The following ATXN1L variants were observed in gnomAD, a reference collection of about 807,000 sequenced individuals.
ATXN1L encodes ataxin-1-like.
Under a neutral mutation model 43.4 loss-of-function variants are expected in ATXN1L, and 8 were observed. The observed-to-expected ratio is 0.18, with a 90% CI of 0.11 to 0.33. The LOEUF (loss-of-function observed/expected upper bound fraction) is 0.33, where lower values mean the gene tolerates loss of function less well. ATXN1L is among the 10% of genes least tolerant of loss of function. The pLI, the probability that ATXN1L is intolerant of heterozygous loss-of-function variation, is 1.00. For synonymous variants in ATXN1L, 379 were observed against 360.6 expected (o/e 1.05, Z -0.58); for missense variants, 856 against 885.4 (o/e 0.97, Z 0.42).
At position 71,851,331 on chromosome 16, in the gene ATXN1L, C is replaced by T; in HGVS notation, c.1591C>T (p.Gln531Ter). 6.4e-7 allele frequency: 1 copy of T among 1,551,678 alleles called. No homozygotes were observed. Among genetic ancestry groups the T allele is most frequent in the Non-Finnish European group, 8.7e-7 (1 of 1,147,000 alleles). ...CATGCTGCATTTTGTGGTTGGTGAGCAGCAGAGCAAAGTGAGCATCGAAGT... is the reference window on the plus strand; with the variant it reads ...CATGCTGCATTTTGTGGTTGGTGAGTAGCAGAGCAAAGTGAGCATCGAAGT... Reference protein sequence around the residue: ...FVMLHFVVGEQQSKVSIEVPP... With the variant: ...FVMLHFVVGE Residue 531 changes from glutamine (Q) to a stop codon, truncating the protein, a stop_gained, in exon 3 of 3, where the codon CAG (glutamine) becomes TAG (stop). Coordinates refer to ENST00000427980, the MANE Select transcript of ATXN1L (RefSeq NM_001137675.4). LOFTEE classifies it high-confidence loss of function. This position sits in a 1 kb window ranked among gnomAD's most constrained non-coding sequence, Gnocchi z 4.9.
At position 71,852,922 on chromosome 16, in the gene ATXN1L, A is replaced by T. The variant is rs943505175; in HGVS notation, c.*1112A>T. ...CTCTCTGGTTTCCCCTTCAGCTATA[A>T]TCTCTATTTTTAAAATCTCAAAATC... On this transcript the variant is annotated 3_prime_UTR_variant, in exon 3 of 3. Transcript: ENST00000427980. The T allele has an allele frequency of 1.8e-5, 3 of 167,010 alleles. No homozygotes were observed. Among genetic ancestry groups the T allele is most frequent in the Non-Finnish European group, 2.9e-5 (2 of 68,138 alleles). The allele number at this position is 167,010 out of a possible 1,614,324, so 10.3% of individuals were successfully genotyped here.
chr16:71,850,568 G>A lies in ATXN1L; in HGVS notation c.828G>A (p.Glu276=). The part of the protein sequence containing the change: ...AAANGGQRPR[E]RNLVRRESEA... The stretch of plus-strand genomic sequence containing the variant: ...CAAATGGAGGACAGAGACCACGAGA[G>A]CGAAATTTAGTAAGACGGGAAAGTG... The change falls in exon 3 of 3, where the codon GAG becomes GAA. Residue 276 remains glutamate (E), a synonymous_variant. Coordinates refer to ENST00000427980, the MANE Select transcript of ATXN1L (RefSeq NM_001137675.4). 1.3e-6 allele frequency: 2 copies of A among 1,551,758 alleles called. No individual in the cohort carries two copies. The highest frequency in any genetic ancestry group is 1.7e-6 in the Non-Finnish European group (2 of 1,147,010).
At chr16:71,849,559 C>T (rs1360437270) in intron 2 of ATXN1L, 65 bp from the exon 3 acceptor site, 1 of 526,746 alleles carries the variant, frequency 1.9e-6, no homozygotes, top group Non-Finnish European at 3.2e-6. Flanking sequence ...ACAGTTCTTT[C>T]TATTTCCTTT....
chr16:71,853,715 C>T lies in ATXN1L; in HGVS notation c.*1905C>T, dbSNP rs919620245. 2.4e-5 allele frequency: 4 copies of T among 166,918 alleles called. No homozygotes were observed. Among genetic ancestry groups the T allele is most frequent in the South Asian group, 2.1e-4 (1 of 4,818 alleles). The allele number at this position is 166,918 out of a possible 1,614,324, so 10.3% of individuals were successfully genotyped here. A position where few individuals can be genotyped will look rare whatever the true frequency, so the allele number is the denominator to read the frequency against. On this transcript the variant is annotated 3_prime_UTR_variant, in exon 3 of 3. Transcript: ENST00000427980. ...TGTTCAGGTGCTAAAGGTTGTTCTC[C>T]TGGGGGAACAGAGTGACTGAAACTG...
rs1379947398 is a variant in ATXN1L at position 71,851,597 on chromosome 16, T to G, written c.1857T>G (p.Cys619Trp). ...CGGTCTTGGGATCCAGAGAGCTATG[T>G]GACAGTGAGGGGAAGAGCCAGCCGG... is the stretch of plus-strand genomic sequence containing the variant. ...ERTVLGSREL[C>W]DSEGKSQPAG... Residue 619 changes from cysteine (C) to tryptophan (W), a missense_variant, in exon 3 of 3, where the codon TGT (cysteine) becomes TGG (tryptophan). By Grantham distance (215) the Cys-to-Trp change is radical (BLOSUM62 -2). This residue lies in a region of ATXN1L where 185 missense variants were observed against 176.8 expected (regional missense o/e 1.05). Coordinates refer to ENST00000427980, the MANE Select transcript of ATXN1L (RefSeq NM_001137675.4). This position sits in a 1 kb window ranked among gnomAD's most constrained non-coding sequence, Gnocchi z 4.9. 6.5e-7 allele frequency: 1 copy of G among 1,546,082 alleles called. No homozygotes were observed. The highest frequency in any genetic ancestry group is 1.4e-5 in the African/African-American group (1 of 72,258).
In ATXN1L at chr16:71,855,035, C is replaced by G. The variant is rs781562366; in HGVS notation, c.*3225C>G. 1 of 167,376 alleles carries G rather than the reference C, an allele frequency of 6.0e-6. No homozygotes were observed. The highest frequency in any genetic ancestry group is 2.1e-4 in the South Asian group (1 of 4,828). 10.4% of individuals were successfully genotyped at this position (167,376 alleles called of 1,614,324 possible). Reference sequence around the variant, plus strand: ...TGGTCATAACACCAAGGGCTTTGCCCTGCGCTGCTTTGCCACTGCTGCTGT... The same window carrying G: ...TGGTCATAACACCAAGGGCTTTGCCGTGCGCTGCTTTGCCACTGCTGCTGT... On this transcript the variant is annotated 3_prime_UTR_variant, in exon 3 of 3. Transcript: ENST00000427980.
Position 71,850,103 on chromosome 16 carries a change from C to T in ATXN1L, c.363C>T (p.Gly121=). ...NVASSLIQHP[G]IHYPPLHYAQ... ...CGTCTTCACTAATTCAACATCCAGG[C>T]ATCCACTATCCTCCACTCCACTATG... Residue 121 remains glycine, a synonymous_variant, in exon 3 of 3, where the codon GGC becomes GGT. Coordinates refer to ENST00000427980, the MANE Select transcript of ATXN1L (RefSeq NM_001137675.4). 1 of 1,551,730 alleles carries T rather than the reference C, an allele frequency of 6.4e-7. No individual in the cohort carries two copies. The highest frequency in any genetic ancestry group is 8.7e-7 in the Non-Finnish European group (1 of 1,146,998).
chr16:71,849,932 G>A lies in ATXN1L; in HGVS notation c.192G>A (p.Gly64=). The A allele has an allele frequency of 6.4e-7, 1 of 1,551,244 alleles. No homozygotes were observed. Among genetic ancestry groups the A allele is most frequent in the Non-Finnish European group, 8.7e-7 (1 of 1,146,676 alleles). Residue 64 remains glycine, a synonymous_variant, in exon 3 of 3, where the codon GGG becomes GGA. Coordinates refer to ENST00000427980, the MANE Select transcript of ATXN1L (RefSeq NM_001137675.4). ...QSQAGARVSL[G]GDGAEAITGL... The stretch of plus-strand genomic sequence containing the variant: ...AGGCAGGAGCCAGAGTCAGCCTGGG[G>A]GGTGATGGAGCTGAGGCCATCACCG...
At position 71,854,529 on chromosome 16, in the gene ATXN1L, TG is replaced by T. The variant is rs1166096053; in HGVS notation, c.*2720del. On this transcript the variant is annotated 3_prime_UTR_variant, in exon 3 of 3. Transcript: ENST00000427980. ...CTGTGCTCTAAATCTCGGTCAGAGC[TG>T]TGGCCTCCCCCTTGCCTTTAACCTC... is the stretch of plus-strand genomic sequence containing the variant. 6.0e-6 allele frequency: 1 copy of T among 167,106 alleles called. No individual in the cohort carries two copies. Among genetic ancestry groups the T allele is most frequent in the Non-Finnish European group, 1.5e-5 (1 of 68,136 alleles). 10.4% of individuals were successfully genotyped at this position (167,106 alleles called of 1,614,324 possible). A position where few individuals can be genotyped will look rare whatever the true frequency, so the allele number is the denominator to read the frequency against.
chr16:71,849,171 C>A (rs1045656030), intron 2 of ATXN1L, among the ~76,000 whole-genome samples: 3 of 130,592 alleles, frequency 2.3e-5, no homozygotes, highest in African/African-American at 8.6e-5. Flanking sequence ...TGAGATTGCA[C>A]CATGTACTGT....
chr16:71,849,121 G>A (rs979860169), intron 2 of ATXN1L, among the ~76,000 whole-genome samples: 4 of 148,572 alleles, frequency 2.7e-5, no homozygotes, highest in Admixed American at 1.4e-4. Flanking sequence ...GGCTGAGGCA[G>A]GAGAATTGCT....
chr16:71,847,745 G>A (rs2033457912), intron 1 of ATXN1L, among the ~76,000 whole-genome samples: 2 of 151,994 alleles, frequency 1.3e-5, no homozygotes, highest in Non-Finnish European at 2.9e-5. Flanking sequence ...TAGATGTTAG[G>A]GAAATGATGT....
At chr16:71,849,591 A>T in intron 2 of ATXN1L, 33 bp from the exon 3 acceptor site, 1 of 726,876 alleles carries the variant, frequency 1.4e-6, no homozygotes, top group Non-Finnish European at 2.1e-6. Flanking sequence ...TCCCTAGGTT[A>T]CTTTTCTTTG....
chr16:71,856,526 G>A lies in ATXN1L; in HGVS notation c.*4716G>A, dbSNP rs1292032989. The A allele has an allele frequency of 6.0e-6, 1 of 167,114 alleles. No homozygotes were observed. The highest frequency in any genetic ancestry group is 2.4e-5 in the African/African-American group (1 of 41,440). 10.4% of individuals were successfully genotyped at this position (167,114 alleles called of 1,614,324 possible). ...TTGCACGTAGTTGTGAGCTGTGAGTGGTTAGTGCATTGCTGGTATTGCTGA... is the reference window on the plus strand; with the variant it reads ...TTGCACGTAGTTGTGAGCTGTGAGTAGTTAGTGCATTGCTGGTATTGCTGA... On this transcript the variant is annotated 3_prime_UTR_variant, in exon 3 of 3. Transcript: ENST00000427980.
rs1294016357 is a variant in ATXN1L at position 71,852,792 on chromosome 16, G to A, written c.*982G>A. On this transcript the variant is annotated 3_prime_UTR_variant, in exon 3 of 3. Transcript: ENST00000427980. ...CTCCTGCTGCGCTGACCGCTGCATG[G>A]TGTCGTGACCTGGGCCTCATTTGTA... 6.0e-6 allele frequency: 1 copy of A among 167,290 alleles called. No individual in the cohort carries two copies. Among genetic ancestry groups the A allele is most frequent in the African/African-American group, 2.4e-5 (1 of 41,460 alleles). The allele number at this position is 167,290 out of a possible 1,614,324, so 10.4% of individuals were successfully genotyped here.
At position 71,850,510 on chromosome 16, in the gene ATXN1L, A is replaced by T; in HGVS notation, c.770A>T (p.Gln257Leu). 1.3e-6 allele frequency: 2 copies of T among 1,551,718 alleles called. No individual in the cohort carries two copies. The highest frequency in any genetic ancestry group is 1.7e-6 in the Non-Finnish European group (2 of 1,146,992). Residue 257 changes from glutamine (Q) to leucine (L), a missense_variant, in exon 3 of 3, where the codon CAG becomes CTG. Gln to Leu is a moderately radical substitution (Grantham distance 113). Transcript: ENST00000427980. ...GGTGCCAGCCCAGTTCTTACCCCTCAGGAGAGCCAGTCTGCTCTGGAAGCA... is the reference window on the plus strand; with the variant it reads ...GGTGCCAGCCCAGTTCTTACCCCTCTGGAGAGCCAGTCTGCTCTGGAAGCA... The part of the protein sequence containing the change: ...PAGASPVLTP[Q>L]ESQSALEAAA...
intron 1 of ATXN1L, among the ~76,000 whole-genome samples, chr16:71,846,453 C>G (rs1386707841): frequency 6.6e-6 from 1 of 152,216 alleles, no homozygotes; most frequent in African/African-American, 2.4e-5. Flanking sequence ...TTCCCAATTT[C>G]GAGCCCTACC....
Position 71,850,888 on chromosome 16 carries a change from C to T in ATXN1L, c.1148C>T (p.Pro383Leu), listed in dbSNP as rs1471316064. The T allele has an allele frequency of 1.9e-6, 3 of 1,551,586 alleles. No individual in the cohort carries two copies. Residue 383 changes from proline to leucine, a missense_variant, in exon 3 of 3, where the codon CCT becomes CTT. This residue lies in a region of ATXN1L where 490 missense variants were observed against 449.4 expected (regional missense o/e 1.09). Transcript: ENST00000427980. ...GAGGGGCGAGGGTCAGCCAGGAACCCTGCAGAGCTGGCAGAGAAAAGTCAG... is the reference window on the plus strand; with the variant it reads ...GAGGGGCGAGGGTCAGCCAGGAACCTTGCAGAGCTGGCAGAGAAAAGTCAG... ...QGEGRGSARN[P>L]AELAEKSQAR...
chr16:71,846,259 G>A lies in ATXN1L; in HGVS notation c.-180+155G>A, dbSNP rs554350710. 5.1e-4 allele frequency among the ~76,000 whole-genome samples: 78 copies of A among 152,296 alleles called. No individual in the cohort carries two copies. The South Asian group carries it at 6.0e-3, about 12-fold the overall frequency. ...AGAGGCCGCACCTAGACCCCCTCGC[G>A]CTTCTCTCTGGCCTGTCCTGGAAGG... On this transcript the variant is annotated intron_variant, in intron 1 of 2. Transcript: ENST00000427980.
Sources: allele counts gnomAD v4.1 joint callset (sites outside exome capture counted in the v4.1 genomes callset), GRCh38; gene constraint gnomAD v4.1.1; regional missense constraint gnomAD v4.1.1; non-coding constraint Gnocchi (gnomAD v3.1); transcripts MANE v1.5; gene names NCBI Gene and HGNC (gene_info 2026-07-23, HGNC 2026-07-21).